The following MED12L variants were observed in gnomAD, a reference collection of about 807,000 sequenced individuals.
The protein encoded by MED12L is mediator of RNA polymerase II transcription subunit 12-like protein.
A neutral mutation model predicts 281.3 loss-of-function variants in MED12L; 60 were observed. The observed-to-expected ratio is 0.21, with a 90% CI of 0.17 to 0.26. The LOEUF is 0.26. Ranked by LOEUF, MED12L falls within the 10% of genes least tolerant of loss-of-function variation. MED12L has a pLI of 1.00. For missense variants in MED12L, 2,146 were observed against 2,680.9 expected, an observed-to-expected ratio of 0.80 and a Z score of 4.41; for synonymous variants, 974 against 987.2, an observed-to-expected ratio of 0.99 and a Z score of 0.25.
At chr3:151,306,871 G>C (rs1243001118) in intron 16 of MED12L, among the ~76,000 whole-genome samples, 1 of 152,184 alleles carries the variant, frequency 6.6e-6, no homozygotes, top group Non-Finnish European at 1.5e-5. Context: ...GGTAGTGGTG[G>C]TTCTCAAATG....
At chr3:151,190,636 A>G in intron 13 of MED12L, 81 bp from the exon 14 acceptor site, 2 of 1,234,070 alleles carry the variant, frequency 1.6e-6, no homozygotes, top group Non-Finnish European at 2.3e-6. Context: ...TGTGAAAAGT[A>G]ATGAAAATAT....
At chr3:151,214,195 C>T in intron 16 of MED12L, 1 of 1,613,954 alleles carries the variant, frequency 6.2e-7, no homozygotes, top group Non-Finnish European at 8.5e-7. Context: ...TCCTGACACT[C>T]CATTGAGTAG....
rs1373672803 is a variant in MED12L at position 151,365,899 on chromosome 3, G to C, written c.3235G>C (p.Val1079Leu). Residue 1079 changes from valine to leucine, a missense_variant, in exon 23 of 45, where the codon GTT (valine) becomes CTT (leucine). Val to Leu is a conservative substitution (Grantham distance 32). Transcript: ENST00000687756. ...CTCTGAGCTTACGGCTTGCTGCACT[G>C]TTCTTAGTTCAGAATGGCTGGGGGT... is the stretch of plus-strand genomic sequence containing the variant. ...FSSELTACCT[V>L]LSSEWLGVLK... 6.2e-7 allele frequency: 1 copy of C among 1,613,602 alleles called. No individual in the cohort carries two copies.
At chr3:151,222,911 C>G (rs1273668436) in intron 16 of MED12L, among the ~76,000 whole-genome samples, 1 of 152,100 alleles carries the variant, frequency 6.6e-6, no homozygotes. Flanking sequence ...CAAGTTTATT[C>G]ATTACATTTC....
chr3:151,308,267 A>G (rs1560010373), intron 16 of MED12L, among the ~76,000 whole-genome samples: 1 of 152,164 alleles, frequency 6.6e-6, no homozygotes, highest in Non-Finnish European at 1.5e-5. Flanking sequence ...TACTATGGCT[A>G]TTGTGAGTCA....
intron 42 of MED12L, among the ~76,000 whole-genome samples, chr3:151,415,049 T>C (rs1717388757): frequency 6.6e-6 from 1 of 152,284 alleles, no homozygotes; most frequent in East Asian, 1.9e-4. Flanking sequence ...TATTTTGCTC[T>C]AGTTTAGAAT....
chr3:151,187,729 TG>T (rs748673770), intron 12 of MED12L, among the ~76,000 whole-genome samples: 2 of 152,214 alleles, frequency 1.3e-5, no homozygotes, highest in African/African-American at 4.8e-5. Flanking sequence ...ATTGGCGGAA[TG>T]TGATGAGTAA....
At chr3:151,380,247 G>A (rs1214272679) in intron 32 of MED12L, 23 bp downstream of exon 32, 2 of 1,424,916 alleles carry the variant, frequency 1.4e-6, no homozygotes, top group African/African-American at 2.9e-5. Flanking sequence ...ATAATATTAA[G>A]ACAGGCAAAT....
rs1744810197 is a variant in MED12L, at chr3:151,294,620, T to C, written c.2251-55439T>C. 6.2e-7 allele frequency: 1 copy of C among 1,614,084 alleles called. No homozygotes were observed. Among genetic ancestry groups the C allele is most frequent in the African/African-American group, 1.3e-5 (1 of 74,922 alleles). ...GGCCACAAACAAGCAGCTGTTCACA[T>C]AGGTGACTGCCGTATGCCATTTGAC... On this transcript the variant is annotated intron_variant, in intron 16 of 44. Coordinates refer to ENST00000687756, the MANE Select transcript of MED12L (RefSeq NM_001393769.1).
chr3:151,190,258 G>A (rs1390682062), intron 13 of MED12L, among the ~76,000 whole-genome samples: 1 of 151,098 alleles, frequency 6.6e-6, no homozygotes, highest in Non-Finnish European at 1.5e-5. Context: ...TGCAACCTCC[G>A]CCTCCCGGGT....
At chr3:151,419,913 A>AAGG (rs149141776) in intron 43 of MED12L, among the ~76,000 whole-genome samples, 2 of 3,988 alleles carry the variant, frequency 5.0e-4, no homozygotes, top group African/African-American at 3.1e-3. Context: ...TTTTTAACAA[A>AAGG]AGGAGGAAGT....
Position 151,253,148 on chromosome 3 carries a change from TG to T in MED12L, c.2250+59486del, listed in dbSNP as rs58278474. Among the ~76,000 whole-genome samples the T allele has an allele frequency of 5.7e-3, 862 of 152,348 alleles. 6 individuals are homozygous for T. The highest frequency in any genetic ancestry group is 0.02 in the African/African-American group (829 of 41,592). ...ATGCAGCTAAGGACTTCTGGAGATC[TG>T]GGGTCATGACAGGCACCCTGTATAG... On this transcript the variant is annotated intron_variant, in intron 16 of 44. Transcript: ENST00000687756.
chr3:151,206,998 T>C (rs1726468144), intron 16 of MED12L, among the ~76,000 whole-genome samples: 1 of 151,988 alleles, frequency 6.6e-6, no homozygotes, highest in African/African-American at 2.4e-5. Flanking sequence ...TTTAGTTACT[T>C]TCCAGGAGAA....
chr3:151,421,602 G>T (rs1292620530), intron 43 of MED12L, among the ~76,000 whole-genome samples: 1 of 151,942 alleles, frequency 6.6e-6, no homozygotes, highest in African/African-American at 2.4e-5. Flanking sequence ...GTAGAGATGG[G>T]GTTTCACCAT....
chr3:151,368,107 C>T (rs746014215), intron 24 of MED12L, 43 bp from the exon 25 acceptor site: 1 of 1,483,348 alleles, frequency 6.7e-7, no homozygotes, highest in East Asian at 2.3e-5. Flanking sequence ...GACTTGTTCC[C>T]AAGTGTGTTA....
At chr3:151,282,748 G>T (rs1157196700) in intron 16 of MED12L, among the ~76,000 whole-genome samples, 1 of 152,170 alleles carries the variant, frequency 6.6e-6, no homozygotes, top group Non-Finnish European at 1.5e-5. Context: ...TAATGTCGGG[G>T]ATCCAAAATG....
At chr3:151,328,049 G>A (rs1749861105) in intron 16 of MED12L, 1 of 1,605,462 alleles carries the variant, frequency 6.2e-7, no homozygotes, top group East Asian at 2.2e-5. Flanking sequence ...TGATGCTGTG[G>A]TCTTTCTCCC....
chr3:151,149,971 C>T (rs1304876428), intron 5 of MED12L, among the ~76,000 whole-genome samples: 1 of 152,184 alleles, frequency 6.6e-6, no homozygotes, highest in Non-Finnish European at 1.5e-5. Context: ...GCTGTCTCCT[C>T]CACTGAAGTC....
At chr3:151,414,582 T>G (rs1000591706) in intron 42 of MED12L, among the ~76,000 whole-genome samples, 1 of 152,214 alleles carries the variant, frequency 6.6e-6, no homozygotes, top group Non-Finnish European at 1.5e-5. Flanking sequence ...CACAAAATTC[T>G]GGTTGGTAGT....
Sources: allele counts gnomAD v4.1 joint callset (sites outside exome capture counted in the v4.1 genomes callset), GRCh38; gene constraint gnomAD v4.1.1; transcripts MANE v1.5; gene names NCBI Gene and HGNC (gene_info 2026-07-23, HGNC 2026-07-21).